Variants in CLIP2 observed in about 807,000 individuals in gnomAD.
CLIP2 encodes the protein CAP-Gly domain-containing linker protein 2.
A neutral mutation model predicts 111.7 loss-of-function variants in CLIP2; 41 were observed. That is an observed-to-expected ratio of 0.37 (90% CI 0.29 to 0.48). The LOEUF is 0.48. Ranked by LOEUF, CLIP2 falls within the 20% of genes least tolerant of loss-of-function variation. CLIP2 has a pLI of 0.99. For synonymous variants in CLIP2, 660 were observed against 644.2 expected, an observed-to-expected ratio of 1.02 and a Z score of -0.37; for missense variants, 1,160 against 1,422.1, an observed-to-expected ratio of 0.82 and a Z score of 2.96.
intron 15 of CLIP2, among the ~76,000 whole-genome samples, chr7:74,400,867 AG>A (rs1791599935): frequency 7.1e-6 from 1 of 141,112 alleles, no homozygotes; most frequent in African/African-American, 2.7e-5. Flanking sequence ...GCTCTGTCCC[AG>A]GAACCCTGAT....
intron 1 of CLIP2, among the ~76,000 whole-genome samples, chr7:74,311,226 G>A (rs1024765657): frequency 1.1e-4 from 16 of 152,078 alleles, no homozygotes; most frequent in East Asian, 1.9e-4. Context: ...TGATCTGCCC[G>A]CGTCAGCCTC....
At position 74,291,264 on chromosome 7, in the gene CLIP2, C is replaced by T. The variant is rs191163609; in HGVS notation, c.-68+1530C>T. On this transcript the variant is annotated intron_variant, in intron 1 of 16. Transcript: ENST00000223398. ...TGGGAGGAGCCTCCTCCACACACAC[C>T]TGTGTGCACCTGCAAACTCCAGCCC... 6.0e-4 allele frequency among the ~76,000 whole-genome samples: 91 copies of T among 152,222 alleles called. 1 individual carries two copies. Among genetic ancestry groups the T allele is most frequent in the South Asian group, 4.8e-3 (23 of 4,822 alleles).
intron 11 of CLIP2, among the ~76,000 whole-genome samples, chr7:74,382,551 A>T (rs1466508987): frequency 7.0e-6 from 1 of 143,226 alleles, no homozygotes; most frequent in African/African-American, 2.6e-5. Flanking sequence ...TGACCTCATG[A>T]TCCTCCCGCC....
chr7:74,393,029 A>ATTTGC (rs1426461131), intron 13 of CLIP2, among the ~76,000 whole-genome samples: 1 of 126,142 alleles, frequency 7.9e-6, no homozygotes, highest in African/African-American at 3.0e-5. Context: ...CCCTGTAAGC[A>ATTTGC]TTTGCTTTTT....
intron 1 of CLIP2, among the ~76,000 whole-genome samples, chr7:74,307,345 G>T (rs1333764441): frequency 1.3e-5 from 2 of 152,200 alleles, no homozygotes; most frequent in Admixed American, 1.3e-4. Flanking sequence ...TTCCAGGACA[G>T]CCACTTAGCA....
chr7:74,361,214 T>TTCCTTCCTTCCTTCCTC, intron 7 of CLIP2, among the ~76,000 whole-genome samples: 1 of 129,118 alleles, frequency 7.7e-6, no homozygotes, highest in Admixed American at 8.4e-5. Flanking sequence ...CTTCCCTCCC[T>TTCCTTCCTTCCTTCCTC]CCCTCCCTTT....
intron 12 of CLIP2, 27 bp from the exon 13 acceptor site, chr7:74,389,076 C>G: frequency 1.3e-6 from 2 of 1,584,446 alleles, no homozygotes; most frequent in East Asian, 4.5e-5. Context: ...CAATCCTCTT[C>G]CTCCCTTCCC....
At chr7:74,362,326 C>G (rs969431600) in intron 7 of CLIP2, among the ~76,000 whole-genome samples, 1 of 152,042 alleles carries the variant, frequency 6.6e-6, no homozygotes, top group Non-Finnish European at 1.5e-5. Flanking sequence ...GCAGCCAGCC[C>G]CCATCCCCAA....
chr7:74,385,088 C>T (rs1411164929), intron 11 of CLIP2, among the ~76,000 whole-genome samples: 2 of 129,896 alleles, frequency 1.5e-5, no homozygotes, highest in East Asian at 2.2e-4. Context: ...TCCAGCCTGG[C>T]GGACATGGTG....
chr7:74,355,471 G>A (rs372020841), intron 4 of CLIP2, among the ~76,000 whole-genome samples: 32 of 152,132 alleles, frequency 2.1e-4, no homozygotes, highest in Admixed American at 8.5e-4. Context: ...TTAGCTGGGC[G>A]TAGTAGCACA....
At chr7:74,360,130 C>A in intron 6 of CLIP2, 45 bp from the exon 7 acceptor site, 1 of 1,502,542 alleles carries the variant, frequency 6.7e-7, no homozygotes, top group Non-Finnish European at 9.0e-7. Context: ...GGACCCCATA[C>A]CCCGGAGCAT....
Position 74,306,417 on chromosome 7 carries a change from C to T in CLIP2, c.-67-11063C>T, listed in dbSNP as rs115647084. ...TGTCCCTGCCAAGCACCTGCCCCTC[C>T]GGGAGAGAGCCACGTCCGGGGTCTC... On this transcript the variant is annotated intron_variant, in intron 1 of 16. Coordinates refer to ENST00000223398, the MANE Select transcript of CLIP2 (RefSeq NM_003388.5). 4.0e-3 allele frequency among the ~76,000 whole-genome samples: 613 copies of T among 152,274 alleles called. 5 individuals carry two copies. The highest frequency in any genetic ancestry group is 0.012 in the African/African-American group (496 of 41,542).
chr7:74,309,592 A>T (rs229881), intron 1 of CLIP2, among the ~76,000 whole-genome samples: 115,175 of 151,080 alleles, frequency 0.76, 43,858 homozygotes, highest in East Asian at 0.83. Context: ...GCGTGGTGGC[A>T]CACGCCTGTA....
rs781909479 is a variant in CLIP2, at chr7:74,381,016, G to A, written c.2479+153G>A. Reference sequence around the variant, plus strand: ...TGAGCTATGTACTCCTGCAAGGGAGGAGGCCAGTTTACGGAGGGATAGGCA... The same window carrying A: ...TGAGCTATGTACTCCTGCAAGGGAGAAGGCCAGTTTACGGAGGGATAGGCA... On this transcript the variant is annotated intron_variant, in intron 11 of 16. Coordinates refer to ENST00000223398, the MANE Select transcript of CLIP2 (RefSeq NM_003388.5). 1.7e-5 allele frequency: 12 copies of A among 689,614 alleles called. No individual in the cohort carries two copies. In the South Asian group the frequency reaches 1.9e-4, roughly 11 times the overall value. 42.7% of individuals were successfully genotyped at this position (689,614 alleles called of 1,614,324 possible). A position where few individuals can be genotyped will look rare whatever the true frequency, so the allele number is the denominator to read the frequency against.
At chr7:74,351,159 G>GAA (rs1789984543) in intron 3 of CLIP2, among the ~76,000 whole-genome samples, 14 of 151,536 alleles carry the variant, frequency 9.2e-5, no homozygotes, top group Non-Finnish European at 2.9e-5. Flanking sequence ...GAGAAAGAAA[G>GAA]AGAATAAAAT....
chr7:74,324,405 TC>T (rs782398954), intron 2 of CLIP2, among the ~76,000 whole-genome samples: 1 of 152,132 alleles, frequency 6.6e-6, no homozygotes, highest in Non-Finnish European at 1.5e-5. Context: ...TCTGAATGGT[TC>T]CCTGGAGGGA....
chr7:74,355,572 T>A (rs1790120888), intron 4 of CLIP2, among the ~76,000 whole-genome samples: 1 of 152,066 alleles, frequency 6.6e-6, no homozygotes, highest in Non-Finnish European at 1.5e-5. Flanking sequence ...ATCGCACCGC[T>A]GCACTCCAGC....
At chr7:74,353,026 C>T (rs1554307846) in intron 3 of CLIP2, among the ~76,000 whole-genome samples, 1 of 151,880 alleles carries the variant, frequency 6.6e-6, no homozygotes, top group Non-Finnish European at 1.5e-5. Flanking sequence ...TGGCACACAC[C>T]TATAGTCCCA....
chr7:74,361,534 T>C (rs1790332141), intron 7 of CLIP2, among the ~76,000 whole-genome samples: 1 of 152,002 alleles, frequency 6.6e-6, no homozygotes. Flanking sequence ...TTTTTCTTTT[T>C]TGAGACAGGG....
Sources: gnomAD v4.1 joint callset for allele counts (sites outside exome capture counted in the v4.1 genomes callset) on GRCh38, gnomAD v4.1.1 for gene constraint, MANE v1.5 for transcripts, NCBI Gene and HGNC (gene_info 2026-07-23, HGNC 2026-07-21) for gene names.